Variants in VSIG1 observed in about 807,000 individuals in gnomAD.
VSIG1 encodes V-set and immunoglobulin domain-containing protein 1.
Under a neutral mutation model 20.1 loss-of-function variants are expected in VSIG1, and 11 were observed. The observed-to-expected ratio is 0.55, with a 90% CI of 0.34 to 0.91. VSIG1 has a LOEUF of 0.91. VSIG1 is among the 40% of genes least tolerant of loss of function. The pLI is 0.02. For missense variants in VSIG1, 283 were observed against 298.8 expected, an observed-to-expected ratio of 0.95 and a Z score of 0.39; for synonymous variants, 126 against 116.7, an observed-to-expected ratio of 1.08 and a Z score of -0.52.
intron 5 of VSIG1, 124 bp downstream of exon 5, chrX:108,073,493 A>G: frequency 1.2e-6 from 1 of 809,315 alleles, no homozygotes; most frequent in Non-Finnish European, 1.8e-6. Flanking sequence ...TGTGTGCTTT[A>G]TATACAGGCT....
At chrX:108,037,507 C>T in the VSIG1 span, among the ~76,000 whole-genome samples, 4 of 111,771 alleles carry the variant, frequency 3.6e-5, no homozygotes, top group Non-Finnish European at 5.6e-5. Context: ...TTATTGACTA[C>T]GAAGCAACAT....
At chrX:108,072,919 ACAGTTCAAT>A in intron 4 of VSIG1, 87 bp downstream of exon 4, 1 of 978,775 alleles carries the variant, frequency 1.0e-6, no homozygotes, top group Non-Finnish European at 1.4e-6. Context: ...GCTTGACCTT[ACAGTTCAAT>A]CTTCTTGTTT....
intron 2 of VSIG1, 96 bp downstream of exon 2, chrX:108,058,297 A>G: frequency 1.2e-6 from 1 of 846,602 alleles, no homozygotes; most frequent in East Asian, 3.3e-5. Flanking sequence ...ATGGCATGCC[A>G]GTGACAGTAG....
rs1480349011 is a variant in VSIG1, at chrX:108,076,225, C to T, written c.830+7C>T. 1 of 1,204,342 alleles carries T rather than the reference C, an allele frequency of 8.3e-7. No individual in the cohort carries two copies. Among genetic ancestry groups the T allele is most frequent in the Admixed American group, 2.2e-5 (1 of 45,432 alleles). ...AGACCATCGCGGAACTTGAGTAAGC[C>T]TTCATTTTGTTGTCTTTACTTGAAT... On this transcript the variant is annotated splice_region_variant and intron_variant, in intron 6 of 6. Transcript: ENST00000217957.
intron 1 of VSIG1, among the ~76,000 whole-genome samples, chrX:108,051,531 C>T (rs1246328028): frequency 8.9e-6 from 1 of 111,870 alleles, no homozygotes; most frequent in Non-Finnish European, 1.9e-5. Context: ...ATGTGACTGA[C>T]TGCAAAAATA....
the VSIG1 span, among the ~76,000 whole-genome samples, chrX:108,037,408 C>A: frequency 2.7e-5 from 3 of 111,805 alleles, no homozygotes; most frequent in Non-Finnish European, 5.6e-5. Context: ...TTACATTGGA[C>A]TGCCTTTTAG....
At chrX:108,075,736 G>A (rs2031335077) in intron 5 of VSIG1, among the ~76,000 whole-genome samples, 1 of 111,540 alleles carries the variant, frequency 9.0e-6, no homozygotes, top group Non-Finnish European at 1.9e-5. Context: ...CCTGTGCTCT[G>A]GGAAAGCCTA....
At chrX:108,047,354 AT>A (rs2030603020) in intron 1 of VSIG1, among the ~76,000 whole-genome samples, 1 of 112,096 alleles carries the variant, frequency 8.9e-6, no homozygotes, top group African/African-American at 3.2e-5. Flanking sequence ...TTAAATTCTA[AT>A]TCAGGAAAAC....
chrX:108,042,753 G>A (rs546721496), upstream of VSIG1, among the ~76,000 whole-genome samples: 2 of 111,659 alleles, frequency 1.8e-5, no homozygotes, highest in African/African-American at 3.3e-5. Flanking sequence ...GATCTCCAGA[G>A]ACCCACCCTA....
At chrX:108,054,298 A>AAG (rs917157487) in intron 1 of VSIG1, among the ~76,000 whole-genome samples, 1 of 111,813 alleles carries the variant, frequency 8.9e-6, no homozygotes, top group African/African-American at 3.2e-5. Flanking sequence ...TAAAAGAAGA[A>AAG]AGAGACAAAT....
chrX:108,038,490 T>C, the VSIG1 span, among the ~76,000 whole-genome samples: 1 of 112,148 alleles, frequency 8.9e-6, no homozygotes, highest in Admixed American at 9.5e-5. Context: ...ACCATTTGAC[T>C]CAGCAATCCC....
chrX:108,034,302 T>G, the VSIG1 span, among the ~76,000 whole-genome samples: 1 of 111,828 alleles, frequency 8.9e-6, no homozygotes, highest in Non-Finnish European at 1.9e-5. Flanking sequence ...AGACCCAAAT[T>G]GCTTCCTTTA....
the VSIG1 span, among the ~76,000 whole-genome samples, chrX:108,025,226 T>G: frequency 1.8e-5 from 2 of 112,264 alleles, no homozygotes; most frequent in East Asian, 2.8e-4. Context: ...TTCAATAGTA[T>G]AGATCTAAGA....
chrX:108,072,344 C>A (rs955715331), intron 3 of VSIG1, among the ~76,000 whole-genome samples: 1 of 111,045 alleles, frequency 9.0e-6, no homozygotes, highest in South Asian at 3.8e-4. Flanking sequence ...CCTCTGCCTC[C>A]CAGGTTCAAG....
At chrX:108,019,234 G>A in the VSIG1 span, among the ~76,000 whole-genome samples, 1 of 112,267 alleles carries the variant, frequency 8.9e-6, no homozygotes, top group African/African-American at 3.2e-5. Context: ...GGTGATAGCA[G>A]AGGTTGAGTG....
the VSIG1 span, among the ~76,000 whole-genome samples, chrX:108,026,988 A>G: frequency 8.9e-6 from 1 of 111,835 alleles, no homozygotes; most frequent in Non-Finnish European, 1.9e-5. Flanking sequence ...ATACTACTTC[A>G]CACCCAGTAG....
At chrX:108,070,839 T>A (rs2031222988) in intron 3 of VSIG1, among the ~76,000 whole-genome samples, 1 of 112,140 alleles carries the variant, frequency 8.9e-6, no homozygotes, top group African/African-American at 3.2e-5. Flanking sequence ...GCTAGTAAAC[T>A]GTTTAAGAAT....
chrX:108,031,238 G>T, the VSIG1 span, among the ~76,000 whole-genome samples: 1 of 112,273 alleles, frequency 8.9e-6, no homozygotes, highest in East Asian at 2.8e-4. Context: ...TTGAGAGATA[G>T]GGCAGGATTT....
chrX:108,073,431 C>T, intron 5 of VSIG1, 62 bp downstream of exon 5: 1 of 1,161,436 alleles, frequency 8.6e-7, no homozygotes, highest in Non-Finnish European at 1.2e-6. Flanking sequence ...GCCTGTCAGA[C>T]AAATAAATTA....
Sources: allele counts gnomAD v4.1 joint callset (sites outside exome capture counted in the v4.1 genomes callset), GRCh38; gene constraint gnomAD v4.1.1; transcripts MANE v1.5; gene names NCBI Gene and HGNC (gene_info 2026-07-23, HGNC 2026-07-21).